The following GPHN variants were observed in gnomAD, a reference collection of about 807,000 sequenced individuals.
GPHN encodes the protein gephyrin.
In GPHN, 17 loss-of-function variants were observed where a neutral mutation model predicts 95.5. That is an observed-to-expected ratio of 0.18 (90% CI 0.12 to 0.27). The LOEUF (loss-of-function observed/expected upper bound fraction) is 0.27. Ranked by LOEUF, GPHN falls within the 10% of genes least tolerant of loss-of-function variation. The pLI is 1.00. For missense variants in GPHN, 660 were observed against 978.1 expected, an observed-to-expected ratio of 0.67 and a Z score of 4.34; for synonymous variants, 320 against 322.5, an observed-to-expected ratio of 0.99 and a Z score of 0.08.
In GPHN at chr14:67,010,860, C is replaced by T. The variant is rs532191303; in HGVS notation, c.964-12773C>T. Among the ~76,000 whole-genome samples, 10 of 152,024 alleles carry T rather than the reference C, an allele frequency of 6.6e-5. No individual in the cohort carries two copies. In the East Asian group the frequency reaches 1.7e-3, roughly 26 times the overall value. On this transcript the variant is annotated intron_variant, in intron 9 of 22. Coordinates refer to ENST00000478722, the MANE Select transcript of GPHN (RefSeq NM_020806.5). ...TAGGACAGTGGTTAGAATTTAATAGCATTCTCAGTTCAATAAATACTTAGT... is the reference window on the plus strand; with the variant it reads ...TAGGACAGTGGTTAGAATTTAATAGTATTCTCAGTTCAATAAATACTTAGT...
intron 3 of GPHN, among the ~76,000 whole-genome samples, chr14:66,793,085 G>A (rs371657032): frequency 2.2e-4 from 33 of 152,306 alleles, no homozygotes; most frequent in African/African-American, 6.5e-4. Context: ...ACAACCTTCC[G>A]GCGTGGGCCT....
At chr14:67,569,735 C>G in the GPHN span, 1 of 606,814 alleles carries the variant, frequency 1.6e-6, no homozygotes, top group Non-Finnish European at 3.0e-6. Context: ...GGATCCTTTA[C>G]CACATGGAGA....
chr14:67,600,046 T>C, the GPHN span: 1 of 1,576,068 alleles, frequency 6.3e-7, no homozygotes, highest in South Asian at 1.2e-5. Flanking sequence ...GAAGAGTCCG[T>C]AGGCCGCCAG....
At chr14:67,479,347 G>A in the GPHN span, among the ~76,000 whole-genome samples, 6 of 150,782 alleles carry the variant, frequency 4.0e-5, no homozygotes, top group Non-Finnish European at 5.9e-5. Context: ...AGGAGGTGGA[G>A]GTAGCAGTGA....
the GPHN span, among the ~76,000 whole-genome samples, chr14:67,475,765 C>G: frequency 1.1e-4 from 17 of 152,318 alleles, no homozygotes; most frequent in African/African-American, 4.1e-4. Context: ...CAGTCTTCAA[C>G]GCCCGGCTCC....
intron 20 of GPHN, among the ~76,000 whole-genome samples, chr14:67,165,523 A>G (rs1268323804): frequency 6.6e-6 from 1 of 152,204 alleles, no homozygotes; most frequent in Non-Finnish European, 1.5e-5. Context: ...AGCTGTCACT[A>G]GATCTTTCTG....
the GPHN span, chr14:67,571,680 G>A: frequency 5.9e-6 from 9 of 1,520,764 alleles, no homozygotes; most frequent in South Asian, 7.9e-5. Context: ...TGGACCAGGA[G>A]TGCAAGCTGC....
intron 1 of GPHN, among the ~76,000 whole-genome samples, chr14:66,528,062 G>A (rs2058761718): frequency 6.6e-6 from 1 of 152,136 alleles, no homozygotes; most frequent in African/African-American, 2.4e-5. Context: ...TATTGACAGT[G>A]GGGTGTTAAA....
At chr14:67,598,298 T>C in the GPHN span, among the ~76,000 whole-genome samples, 2 of 152,002 alleles carry the variant, frequency 1.3e-5, no homozygotes, top group Non-Finnish European at 2.9e-5. Flanking sequence ...GTAAGCAGAG[T>C]ACACCGGCAT....
the GPHN span, among the ~76,000 whole-genome samples, chr14:67,229,335 A>G: frequency 2.0e-5 from 3 of 152,232 alleles, no homozygotes; most frequent in Non-Finnish European, 2.9e-5. Flanking sequence ...AACTGAGAAT[A>G]TCTCTTATCT....
the GPHN span, among the ~76,000 whole-genome samples, chr14:67,506,426 T>C: frequency 6.6e-6 from 1 of 152,220 alleles, no homozygotes; most frequent in Non-Finnish European, 1.5e-5. Context: ...CAATGAGTCA[T>C]GTTTCTTTAC....
At chr14:66,564,062 C>T (rs1276983151) in intron 1 of GPHN, among the ~76,000 whole-genome samples, 2 of 151,910 alleles carry the variant, frequency 1.3e-5, no homozygotes, top group Non-Finnish European at 2.9e-5. Flanking sequence ...TCTGAAGTTC[C>T]CATTCATCTT....
At chr14:67,391,249 T>C in the GPHN span, among the ~76,000 whole-genome samples, 1 of 150,742 alleles carries the variant, frequency 6.6e-6, no homozygotes, top group South Asian at 2.1e-4. Context: ...TATGATAAAA[T>C]CTAAATGTGT....
At chr14:67,587,148 A>C in the GPHN span, 1 of 1,613,380 alleles carries the variant, frequency 6.2e-7, no homozygotes, top group Non-Finnish European at 8.5e-7. Context: ...CCACCAACCC[A>C]CCCGGAGCCT....
intron 3 of GPHN, among the ~76,000 whole-genome samples, chr14:66,783,084 C>CT (rs2059662783): frequency 1.3e-5 from 2 of 152,146 alleles, no homozygotes; most frequent in African/African-American, 4.8e-5. Context: ...GTCTAGCCAA[C>CT]AGACAAGGAC....
At chr14:67,223,759 A>G in the GPHN span, 4 of 984,748 alleles carry the variant, frequency 4.1e-6, no homozygotes, top group South Asian at 4.7e-5. Flanking sequence ...TTAGGCTTGT[A>G]TAGTTTTTCA....
chr14:66,936,351 C>G (rs2067133961), intron 8 of GPHN, among the ~76,000 whole-genome samples: 1 of 151,856 alleles, frequency 6.6e-6, no homozygotes, highest in Non-Finnish European at 1.5e-5. Flanking sequence ...TGCACTCTAT[C>G]CTGGGTGACG....
At chr14:67,170,129 A>G (rs2082515522) in intron 21 of GPHN, among the ~76,000 whole-genome samples, 1 of 152,164 alleles carries the variant, frequency 6.6e-6, no homozygotes, top group African/African-American at 2.4e-5. Context: ...CTGAGAATAC[A>G]TAGGATAAAA....
chr14:67,592,278 T>TAAAA, the GPHN span: 1 of 343,626 alleles, frequency 2.9e-6, no homozygotes, highest in Admixed American at 3.5e-5. Context: ...CTACTAAAAA[T>TAAAA]AAAAAAAAAA....
Sources: allele counts gnomAD v4.1 joint callset (sites outside exome capture counted in the v4.1 genomes callset), GRCh38; gene constraint gnomAD v4.1.1; transcripts MANE v1.5; gene names NCBI Gene and HGNC (gene_info 2026-07-23, HGNC 2026-07-21).